Variants in ADAMTSL1 observed in about 807,000 individuals in gnomAD.
The protein encoded by ADAMTSL1 is ADAMTS like 1, also known as ADAMTS-like protein 1.
ADAMTSL1 carries 126 observed loss-of-function variants against 201.8 expected under a neutral mutation model. The ratio of observed to expected loss-of-function variants is 0.62; its 90% confidence interval spans 0.54 to 0.72. ADAMTSL1 has a LOEUF of 0.72. ADAMTSL1 is among the 30% of genes least tolerant of loss of function. The pLI, the probability that ADAMTSL1 is intolerant of heterozygous loss-of-function variation, is 0.00. For synonymous variants in ADAMTSL1, 1,121 were observed against 903.4 expected, an observed-to-expected ratio of 1.24 and a Z score of -4.32; for missense variants, 2,679 against 2,277.8, an observed-to-expected ratio of 1.18 and a Z score of -3.59.
intron 1 of ADAMTSL1, among the ~76,000 whole-genome samples, chr9:18,024,022 C>T (rs1820590022): frequency 6.6e-6 from 1 of 151,800 alleles, no homozygotes; most frequent in African/African-American, 2.4e-5. Flanking sequence ...TATGGTGCCC[C>T]CTTCCCTCCC....
rs1316473534 is a variant in ADAMTSL1 at position 18,829,978 on chromosome 9, G to A, written c.4249+1G>A. The stretch of plus-strand genomic sequence containing the variant: ...GATCCTGGGAATTCTGCTCTCCTTG[G>A]TGAGTCTAACCCTCGGAAACATTGG... On this transcript the variant is annotated splice_donor_variant, in intron 23 of 28. Transcript: ENST00000380548. LOFTEE classifies it high-confidence loss of function. 6.2e-7 allele frequency: 1 copy of A among 1,607,358 alleles called. No homozygotes were observed. The highest frequency in any genetic ancestry group is 1.3e-5 in the African/African-American group (1 of 74,756).
At chr9:17,926,781 A>G (rs1047119565) in intron 1 of ADAMTSL1, among the ~76,000 whole-genome samples, 4 of 152,164 alleles carry the variant, frequency 2.6e-5, no homozygotes, top group African/African-American at 9.6e-5. Flanking sequence ...GGTGTGGTCT[A>G]GATGTTTAAG....
At chr9:18,824,740 C>G (rs1035569335) in intron 21 of ADAMTSL1, among the ~76,000 whole-genome samples, 1 of 144,720 alleles carries the variant, frequency 6.9e-6, no homozygotes, top group African/African-American at 2.6e-5. Flanking sequence ...CTCTGTCACC[C>G]AGGCTGGAGT....
chr9:17,951,612 T>C (rs1438509678), intron 1 of ADAMTSL1, among the ~76,000 whole-genome samples: 2 of 151,118 alleles, frequency 1.3e-5, no homozygotes, highest in African/African-American at 4.9e-5. Context: ...TGTTTTACTA[T>C]TCATAACCAT....
At chr9:17,930,514 C>G (rs553126564) in intron 1 of ADAMTSL1, among the ~76,000 whole-genome samples, 2 of 152,222 alleles carry the variant, frequency 1.3e-5, no homozygotes, top group East Asian at 3.9e-4. Context: ...GGGAGGATAG[C>G]TGTGAGCTTA....
At position 17,910,042 on chromosome 9, in the gene ADAMTSL1, G is replaced by A. The variant is rs1415298596; in HGVS notation, c.87+3120G>A. On this transcript the variant is annotated intron_variant, in intron 1 of 29. Transcript: ENST00000680146. ...AGTAAACTCGAAGAACAGTAAAGAA[G>A]GCCTGAGACAGGGACTTGGGAGTCT... Among the ~76,000 whole-genome samples the A allele has an allele frequency of 6.0e-5, 4 of 66,870 alleles. 2 individuals are homozygous for A. The highest frequency in any genetic ancestry group is 1.8e-4 in the Non-Finnish European group (4 of 21,870). The allele number at this position is 66,870 out of a possible 152,430, so 43.9% of individuals were successfully genotyped here. A position where few individuals can be genotyped will look rare whatever the true frequency, so the allele number is the denominator to read the frequency against.
chr9:17,984,337 A>G (rs181741817), intron 1 of ADAMTSL1, among the ~76,000 whole-genome samples: 13 of 152,240 alleles, frequency 8.5e-5, no homozygotes, highest in African/African-American at 2.9e-4. Context: ...TGGCTGACTA[A>G]TTTATCTCTC....
chr9:18,395,974 C>A (rs190792325), intron 2 of ADAMTSL1, among the ~76,000 whole-genome samples: 34 of 152,256 alleles, frequency 2.2e-4, no homozygotes, highest in African/African-American at 8.2e-4. Flanking sequence ...TTTAGTCTGG[C>A]CTTTCTGTGG....
At chr9:17,951,603 G>T (rs970547115) in intron 1 of ADAMTSL1, among the ~76,000 whole-genome samples, 62 of 148,402 alleles carry the variant, frequency 4.2e-4, no homozygotes, top group Non-Finnish European at 1.0e-4. Context: ...TTTTTCTTGT[G>T]TTTTACTATT....
At chr9:18,862,221 C>T (rs948572644) in intron 23 of ADAMTSL1, among the ~76,000 whole-genome samples, 18 of 152,100 alleles carry the variant, frequency 1.2e-4, no homozygotes, top group East Asian at 5.8e-4. Flanking sequence ...GGGCTGTGAG[C>T]GAAGGTTCTT....
intron 3 of ADAMTSL1, among the ~76,000 whole-genome samples, chr9:18,539,823 T>C (rs148579443): frequency 3.3e-5 from 5 of 152,224 alleles, no homozygotes; most frequent in Admixed American, 6.5e-5. Context: ...TTCAAATGGC[T>C]ATTAAATCAT....
chr9:18,547,629 T>A (rs868775238), intron 3 of ADAMTSL1, among the ~76,000 whole-genome samples: 874 of 86,166 alleles, frequency 0.01, 6 homozygotes, highest in East Asian at 0.041. Flanking sequence ...GCTGTATATA[T>A]ATATAAAAAA....
intron 23 of ADAMTSL1, among the ~76,000 whole-genome samples, chr9:18,861,282 A>G (rs1383076613): frequency 6.6e-6 from 1 of 152,230 alleles, no homozygotes; most frequent in Non-Finnish European, 1.5e-5. Flanking sequence ...AACTGATTCA[A>G]TCAAGTTATC....
upstream of ADAMTSL1, among the ~76,000 whole-genome samples, chr9:18,472,977 C>G (rs1228115051): frequency 6.6e-6 from 1 of 152,170 alleles, no homozygotes; most frequent in Admixed American, 6.5e-5. Context: ...TCAAATCTCC[C>G]TTGCTGGTGG....
At chr9:18,375,340 T>A (rs537548797) in intron 2 of ADAMTSL1, among the ~76,000 whole-genome samples, 24 of 152,302 alleles carry the variant, frequency 1.6e-4, no homozygotes, top group Middle Eastern at 6.8e-3. Flanking sequence ...CTATTTTTTT[T>A]ATTTTATTTA....
chr9:18,474,433 C>A lies in ADAMTSL1; in HGVS notation c.63+138C>A, dbSNP rs750706593. The A allele has an allele frequency of 5.7e-6, 5 of 883,166 alleles. No homozygotes were observed. In the Admixed American group the frequency reaches 6.4e-5, roughly 11 times the overall value. The allele number at this position is 883,166 out of a possible 1,614,324, so 54.7% of individuals were successfully genotyped here. A position where few individuals can be genotyped will look rare whatever the true frequency, so the allele number is the denominator to read the frequency against. On this transcript the variant is annotated intron_variant, in intron 1 of 28. Coordinates refer to ENST00000380548, the MANE Select transcript of ADAMTSL1 (RefSeq NM_001040272.6). Reference sequence around the variant, plus strand: ...CCAGGTAAAATAATTTACACGATTACAAAGAGAGAATACTCCTTCTAGAAC... The same window carrying A: ...CCAGGTAAAATAATTTACACGATTAAAAAGAGAGAATACTCCTTCTAGAAC...
chr9:18,755,475 A>G (rs1297477500), intron 16 of ADAMTSL1, among the ~76,000 whole-genome samples: 1 of 152,212 alleles, frequency 6.6e-6, no homozygotes, highest in East Asian at 1.9e-4. Flanking sequence ...TCTTCCTGAT[A>G]TGTTTTTTAT....
chr9:18,227,729 C>G (rs1275172059), intron 2 of ADAMTSL1, among the ~76,000 whole-genome samples: 1 of 152,276 alleles, frequency 6.6e-6, no homozygotes, highest in East Asian at 1.9e-4. Context: ...TCCCTAGCAC[C>G]CCCAGTAGCC....
chr9:18,413,398 C>T (rs1431059924), intron 2 of ADAMTSL1, among the ~76,000 whole-genome samples: 1 of 152,098 alleles, frequency 6.6e-6, no homozygotes, highest in Non-Finnish European at 1.5e-5. Flanking sequence ...CTCCTGACCT[C>T]AGGTGATCCA....
Sources: allele counts gnomAD v4.1 joint callset (sites outside exome capture counted in the v4.1 genomes callset), GRCh38; gene constraint gnomAD v4.1.1; transcripts MANE v1.5; gene names NCBI Gene and HGNC (gene_info 2026-07-23, HGNC 2026-07-21).